The following NCOR2 variants were observed in gnomAD, a reference collection of about 807,000 sequenced individuals.
NCOR2 encodes the protein CTG repeat protein 26.
A neutral mutation model predicts 262.9 loss-of-function variants in NCOR2; 81 were observed. The observed-to-expected ratio is 0.31, with a 90% CI of 0.26 to 0.37. The LOEUF (loss-of-function observed/expected upper bound fraction) is 0.37, where lower values mean the gene tolerates loss of function less well. Among genes scored for constraint, NCOR2 ranks in the 10% least tolerant of loss-of-function variants. The pLI, the probability that NCOR2 is intolerant of heterozygous loss-of-function variation, is 1.00. For synonymous variants in NCOR2, 1,659 were observed against 1,559.3 expected (o/e 1.06, Z -1.51); for missense variants, 3,385 against 3,621.4 (o/e 0.93, Z 1.68).
chr12:124,565,926 G>A (rs1280049042), intron 1 of NCOR2, among the ~76,000 whole-genome samples: 1 of 152,136 alleles, frequency 6.6e-6, no homozygotes, highest in Non-Finnish European at 1.5e-5. Flanking sequence ...CACCCCCAAA[G>A]AGGCCACCCA....
chr12:124,524,714 C>T (rs1168358725), intron 1 of NCOR2, among the ~76,000 whole-genome samples: 1 of 152,246 alleles, frequency 6.6e-6, no homozygotes, highest in Admixed American at 6.5e-5. Context: ...CTGCCCCTAA[C>T]TAATCACCCC....
chr12:124,365,972 C>G (rs2039003293), intron 20 of NCOR2, among the ~76,000 whole-genome samples: 1 of 152,156 alleles, frequency 6.6e-6, no homozygotes, highest in African/African-American at 2.4e-5. Flanking sequence ...TACCTACCAC[C>G]ATCCGTTTCA....
At chr12:124,439,218 G>A (rs1593545362) in intron 7 of NCOR2, among the ~76,000 whole-genome samples, 2 of 146,492 alleles carry the variant, frequency 1.4e-5, no homozygotes, top group East Asian at 2.2e-4. Context: ...GAGGGAGACA[G>A]AGACCCAGAG....
At chr12:124,390,554 G>A (rs897170334) in intron 16 of NCOR2, among the ~76,000 whole-genome samples, 8 of 147,198 alleles carry the variant, frequency 5.4e-5, no homozygotes, top group South Asian at 2.1e-4. Flanking sequence ...TAGCTCCCTC[G>A]TCCCACTGCT....
chr12:124,325,377 G>GCCCCCCGC, exon 47 of NCOR2: 2 of 246,786 alleles, frequency 8.1e-6, no homozygotes, highest in Non-Finnish European at 1.3e-5. Flanking sequence ...ACCTGACACC[G>GCCCCCCGC]CCCCCCCCCC....
chr12:124,326,212 C>T, exon 46 of NCOR2: 1 of 1,536,654 alleles, frequency 6.5e-7, no homozygotes, highest in East Asian at 2.5e-5. Flanking sequence ...GGCCTGTCCT[C>T]CCACACGCGG....
At chr12:124,339,925 CAAGCAT>C in intron 37 of NCOR2, 75 bp downstream of exon 39, 1 of 1,433,934 alleles carries the variant, frequency 7.0e-7, no homozygotes, top group Non-Finnish European at 9.6e-7. Context: ...TACCTCCCAC[CAAGCAT>C]CCTCTTATCT....
Position 124,356,619 on chromosome 12 carries a change from C to G in NCOR2, c.3241+23G>C, listed in dbSNP as rs199976030. 41 of 1,422,172 alleles carry G rather than the reference C, an allele frequency of 2.9e-5. 1 individual carries two copies. In the Admixed American group the frequency reaches 1.2e-3, roughly 42 times the overall value. The allele number at this position is 1,422,172 out of a possible 1,614,324, so 88.1% of individuals were successfully genotyped here. A position where few individuals can be genotyped will look rare whatever the true frequency, so the allele number is the denominator to read the frequency against. ...CGATTGTGCACTGGCTGAAGAAGCC[C>G]AAGCTCGGGCGGAGCTACTTACCAG... On this transcript the variant is annotated intron_variant, in intron 23 of 46. Transcript: ENST00000405201.
intron 7 of NCOR2, among the ~76,000 whole-genome samples, chr12:124,439,385 A>G (rs2044674593): frequency 6.6e-6 from 1 of 152,184 alleles, no homozygotes; most frequent in Non-Finnish European, 1.5e-5. Flanking sequence ...AGGGAGACAG[A>G]GACCCAGAGA....
intron 1 of NCOR2, among the ~76,000 whole-genome samples, chr12:124,546,933 A>G (rs1388707702): frequency 6.6e-6 from 1 of 152,112 alleles, no homozygotes; most frequent in African/African-American, 2.4e-5. Flanking sequence ...AATGGCCCCA[A>G]AGCACAAGAG....
chr12:124,325,884 G>A (rs554731155), intron 46 of NCOR2, among the ~76,000 whole-genome samples: 1 of 152,150 alleles, frequency 6.6e-6, no homozygotes, highest in East Asian at 1.9e-4. Context: ...TTTCCCTTCC[G>A]AAAGCCCTCC....
At chr12:124,438,182 G>A (rs560015649) in intron 7 of NCOR2, among the ~76,000 whole-genome samples, 186 bp from the exon 10 acceptor site, 7 of 152,170 alleles carry the variant, frequency 4.6e-5, no homozygotes, top group South Asian at 4.1e-4. Flanking sequence ...TTACTCCCCC[G>A]CGCGCGAGGC....
chr12:124,431,986 A>G (rs959478529), intron 8 of NCOR2, among the ~76,000 whole-genome samples: 4 of 152,114 alleles, frequency 2.6e-5, no homozygotes, highest in African/African-American at 9.7e-5. Flanking sequence ...GCAGGCAGAC[A>G]CACACACATG....
rs1209700014 is a variant in NCOR2, at chr12:124,426,819, C to A, written c.1150-19G>T. The A allele has an allele frequency of 5.1e-6, 8 of 1,558,520 alleles. No homozygotes were observed. The Admixed American group carries it at 1.2e-4, about 24-fold the overall frequency. ...CCAGGTTCTGCAGGGAAACGGAGGG[C>A]AGGGTCAGAGGCCCAGGGACGAGGT... On this transcript the variant is annotated intron_variant, in intron 10 of 46. Transcript: ENST00000405201.
At chr12:124,515,703 G>T (rs116417692) in intron 1 of NCOR2, among the ~76,000 whole-genome samples, 1 of 151,804 alleles carries the variant, frequency 6.6e-6, no homozygotes, top group East Asian at 1.9e-4. Context: ...GTGCATGTTC[G>T]TGTGACTGTG....
exon 38 of NCOR2, chr12:124,336,854 C>T (rs1205137735): frequency 3.3e-5 from 53 of 1,612,018 alleles, no homozygotes; most frequent in Non-Finnish European, 4.5e-5. Context: ...CGGGTCCGGG[C>T]TGGCGTGGTG....
intron 1 of NCOR2, among the ~76,000 whole-genome samples, chr12:124,532,686 G>A (rs1242808651): frequency 2.0e-5 from 3 of 152,224 alleles, no homozygotes; most frequent in Admixed American, 2.0e-4. Context: ...CAGGAGGAAG[G>A]CTCCCCATTA....
intron 1 of NCOR2, among the ~76,000 whole-genome samples, chr12:124,564,325 C>T (rs1423151291): frequency 6.6e-6 from 1 of 152,172 alleles, no homozygotes; most frequent in Admixed American, 6.5e-5. Flanking sequence ...CTGGCTCTCC[C>T]CAGGCAGCAG....
rs553756912 is a variant in NCOR2, at chr12:124,521,002, C to A, written c.-118+14563G>T. Among the ~76,000 whole-genome samples, 9 of 152,312 alleles carry A rather than the reference C, an allele frequency of 5.9e-5. No homozygotes were observed. The East Asian group carries it at 1.7e-3, about 29-fold the overall frequency. ...AAGCTGAGTGGCCCCAGGCAAGGCC[C>A]CCAGCCTCTCGAGGCATCAGAAGGC... On this transcript the variant is annotated intron_variant, in intron 1 of 46. Transcript: ENST00000404621.
Sources: allele counts gnomAD v4.1 joint callset (sites outside exome capture counted in the v4.1 genomes callset), GRCh38; gene constraint gnomAD v4.1.1; transcripts MANE v1.5; gene names NCBI Gene and HGNC (gene_info 2026-07-23, HGNC 2026-07-21).